Variants in THSD7B observed in about 807,000 individuals in gnomAD.
THSD7B encodes the protein thrombospondin type 1 domain containing 7B, also known as thrombospondin type-1 domain-containing protein 7B.
A neutral mutation model predicts 213.6 loss-of-function variants in THSD7B; 138 were observed. That is an observed-to-expected ratio of 0.65 (90% CI 0.56 to 0.74). The LOEUF is 0.74. THSD7B is among the 30% of genes least tolerant of loss of function. The pLI is 0.00. For synonymous variants in THSD7B, 742 were observed against 687.0 expected (o/e 1.08, Z -1.25); for missense variants, 1,931 against 1,991.5 (o/e 0.97, Z 0.58).
chr2:136,907,407 T>C (rs1482351186), intron 2 of THSD7B, among the ~76,000 whole-genome samples: 2 of 152,198 alleles, frequency 1.3e-5, no homozygotes, highest in Non-Finnish European at 2.9e-5. Context: ...GGTAGAAATA[T>C]TGTTTTAAAA....
intron 3 of THSD7B, among the ~76,000 whole-genome samples, chr2:137,079,787 G>A (rs1687704138): frequency 6.6e-6 from 1 of 152,056 alleles, no homozygotes; most frequent in Admixed American, 6.6e-5. Context: ...AATTTTACAT[G>A]TATTAATTGC....
intron 20 of THSD7B, among the ~76,000 whole-genome samples, chr2:137,640,368 C>A (rs34336344): frequency 0.12 from 18,567 of 152,116 alleles, 1,213 homozygotes; most frequent in South Asian, 0.15. Context: ...AATTAAACTT[C>A]TATTTCTTCT....
chr2:137,548,026 GC>G (rs1229328574), intron 15 of THSD7B, among the ~76,000 whole-genome samples: 1 of 151,952 alleles, frequency 6.6e-6, no homozygotes, highest in African/African-American at 2.4e-5. Context: ...AGACCAGATT[GC>G]TTTTAAGGTC....
chr2:137,552,431 G>A (rs1680867564), intron 15 of THSD7B, among the ~76,000 whole-genome samples: 1 of 152,036 alleles, frequency 6.6e-6, no homozygotes, highest in Admixed American at 6.6e-5. Flanking sequence ...GTGTGAGTGT[G>A]GGCATTAGCT....
At chr2:137,280,587 C>T (rs1429189975) in intron 12 of THSD7B, among the ~76,000 whole-genome samples, 1 of 151,952 alleles carries the variant, frequency 6.6e-6, no homozygotes, top group African/African-American at 2.4e-5. Flanking sequence ...TGTAGCTAAG[C>T]GTCTACACCA....
intron 10 of THSD7B, among the ~76,000 whole-genome samples, chr2:137,271,834 T>C (rs746491434): frequency 2.6e-4 from 39 of 152,146 alleles, no homozygotes; most frequent in Non-Finnish European, 4.7e-4. Context: ...TTGTTGCTGA[T>C]GTTGATTCAG....
At chr2:137,313,709 C>G (rs184538557) in intron 12 of THSD7B, among the ~76,000 whole-genome samples, 3 of 152,050 alleles carry the variant, frequency 2.0e-5, no homozygotes, top group African/African-American at 7.3e-5. Flanking sequence ...CTGGTGGTGA[C>G]AAAATCTCTC....
chr2:137,581,016 A>G (rs1328285975), intron 17 of THSD7B, among the ~76,000 whole-genome samples: 1 of 152,092 alleles, frequency 6.6e-6, no homozygotes, highest in African/African-American at 2.4e-5. Context: ...AAATATCCAA[A>G]CTCTATCAAC....
chr2:137,018,100 T>C (rs1434903536), intron 2 of THSD7B, among the ~76,000 whole-genome samples: 1 of 152,030 alleles, frequency 6.6e-6, no homozygotes, highest in East Asian at 1.9e-4. Flanking sequence ...GTTGAAAATG[T>C]AAGTCTTCAA....
At chr2:137,519,972 G>C (rs1014388851) in intron 15 of THSD7B, among the ~76,000 whole-genome samples, 2 of 152,212 alleles carry the variant, frequency 1.3e-5, no homozygotes, top group African/African-American at 4.8e-5. Context: ...GACGTGGAAA[G>C]AAAGCTAAAC....
intron 15 of THSD7B, among the ~76,000 whole-genome samples, chr2:137,498,469 C>T (rs770756624): frequency 3.9e-5 from 6 of 152,044 alleles, no homozygotes; most frequent in Non-Finnish European, 7.4e-5. Context: ...AAGCATCTGA[C>T]CCAGTGATTT....
At chr2:137,616,420 G>A (rs1354634982) in intron 18 of THSD7B, 104 bp downstream of exon 18, 5 of 1,042,686 alleles carry the variant, frequency 4.8e-6, no homozygotes, top group Admixed American at 2.1e-5. Context: ...AGAGTAGAAT[G>A]TGTGAGTGTA....
In THSD7B at chr2:137,405,164, A is replaced by G. The variant is rs181508796; in HGVS notation, c.2501-449A>G. Among the ~76,000 whole-genome samples, 194 of 150,108 alleles carry G rather than the reference A, an allele frequency of 1.3e-3. 1 individual carries two copies. The highest frequency in any genetic ancestry group is 4.3e-3 in the African/African-American group (177 of 40,974). On this transcript the variant is annotated intron_variant, in intron 12 of 27. Transcript: ENST00000409968. ...AAATTCCTTTAAAAATACTGACTGT[A>G]TAGGTCTACTTCTGTAAGTGCCATC...
At chr2:137,001,299 G>A (rs1446395506) in intron 2 of THSD7B, among the ~76,000 whole-genome samples, 2 of 152,046 alleles carry the variant, frequency 1.3e-5, no homozygotes, top group Non-Finnish European at 2.9e-5. Flanking sequence ...GTATAATGAA[G>A]AAACTATAAA....
intron 1 of THSD7B, among the ~76,000 whole-genome samples, chr2:136,818,375 T>C (rs945108810): frequency 2.1e-5 from 3 of 141,184 alleles, no homozygotes; most frequent in South Asian, 2.4e-4. Flanking sequence ...GGAAGGGGAA[T>C]ATCACACTCT....
intron 2 of THSD7B, among the ~76,000 whole-genome samples, chr2:136,985,460 G>A (rs1370110975): frequency 6.6e-6 from 1 of 152,214 alleles, no homozygotes; most frequent in Non-Finnish European, 1.5e-5. Context: ...GCTTTGGAGA[G>A]TCAAAGCCAC....
chr2:136,884,369 G>A (rs1039118181), intron 2 of THSD7B, among the ~76,000 whole-genome samples: 7 of 152,130 alleles, frequency 4.6e-5, no homozygotes, highest in African/African-American at 1.7e-4. Context: ...CTGGAGAGGT[G>A]CTTGACAAAT....
At chr2:137,521,333 G>T (rs1680180081) in intron 15 of THSD7B, among the ~76,000 whole-genome samples, 1 of 152,080 alleles carries the variant, frequency 6.6e-6, no homozygotes, top group Admixed American at 6.6e-5. Flanking sequence ...GTGGGGAGGG[G>T]GGGCTGTGAC....
chr2:137,244,049 G>T (rs1422309167), intron 10 of THSD7B, among the ~76,000 whole-genome samples: 1 of 152,156 alleles, frequency 6.6e-6, no homozygotes, highest in Admixed American at 6.5e-5. Flanking sequence ...AACAGGGTTT[G>T]TTAAATAGCC....
Sources: gnomAD v4.1 joint callset for allele counts (sites outside exome capture counted in the v4.1 genomes callset) on GRCh38, gnomAD v4.1.1 for gene constraint, MANE v1.5 for transcripts, NCBI Gene and HGNC (gene_info 2026-07-23, HGNC 2026-07-21) for gene names.